The following TTI1 variants were observed in gnomAD, a reference collection of about 807,000 sequenced individuals.
The protein encoded by TTI1 is TELO2 interacting protein 1.
TTI1 carries 52 observed loss-of-function variants against 85.4 expected under a neutral mutation model. The ratio of observed to expected loss-of-function variants is 0.61; its 90% confidence interval spans 0.49 to 0.77. The LOEUF is 0.77. TTI1 is among the 30% of genes least tolerant of loss of function. TTI1 has a pLI of 0.00. For missense variants in TTI1, 1,173 were observed against 1,296.0 expected (o/e 0.91, Z 1.46); for synonymous variants, 512 against 503.9 (o/e 1.02, Z -0.22).
chr20:37,983,779 A>T, intron 7 of TTI1, 140 bp from the exon 8 acceptor site: 1 of 861,490 alleles, frequency 1.2e-6, no homozygotes, highest in Non-Finnish European at 1.6e-6. Context: ...ATAGTAGAAA[A>T]AACCCACTTG....
At chr20:37,998,438 C>T (rs1033972222) in intron 5 of TTI1, among the ~76,000 whole-genome samples, 1 of 151,684 alleles carries the variant, frequency 6.6e-6, no homozygotes, top group Non-Finnish European at 1.5e-5. Flanking sequence ...TTTCTCTCTG[C>T]CTCATCTTGC....
intron 7 of TTI1, among the ~76,000 whole-genome samples, chr20:37,985,295 C>T (rs929321163): frequency 6.6e-6 from 1 of 152,160 alleles, no homozygotes; most frequent in African/African-American, 2.4e-5. Flanking sequence ...TTATTATTGG[C>T]AATTATTCTA....
chr20:38,000,440 C>G (rs1052577917), intron 4 of TTI1: 1 of 155,128 alleles, frequency 6.4e-6, no homozygotes, highest in Admixed American at 6.5e-5. Context: ...TCACAGGCAG[C>G]GGTCAGTACG....
chr20:37,987,099 T>G (rs1016561813), intron 7 of TTI1: 3 of 451,232 alleles, frequency 6.6e-6, no homozygotes, highest in Non-Finnish European at 1.3e-5. Context: ...ACACGACAAA[T>G]TCCAAACCGC....
intron 1 of TTI1, among the ~76,000 whole-genome samples, chr20:38,015,788 A>G (rs2073673928): frequency 6.6e-6 from 1 of 152,248 alleles, no homozygotes; most frequent in Admixed American, 6.5e-5. Flanking sequence ...TTAGTGGCCT[A>G]GTAGATCAAG....
chr20:38,029,631 T>C (rs766670460), intron 1 of TTI1, among the ~76,000 whole-genome samples: 20 of 151,964 alleles, frequency 1.3e-4, no homozygotes, highest in Non-Finnish European at 2.2e-4. Context: ...AAATTTCCAA[T>C]ATCAGTAATG....
intron 1 of TTI1, among the ~76,000 whole-genome samples, chr20:38,032,145 T>G (rs765332179): frequency 6.6e-6 from 1 of 152,222 alleles, no homozygotes; most frequent in Non-Finnish European, 1.5e-5. Flanking sequence ...AATGTGATCT[T>G]GGGTAGGTCA....
chr20:38,019,745 C>T (rs545134882), intron 1 of TTI1, among the ~76,000 whole-genome samples: 1 of 152,344 alleles, frequency 6.6e-6, no homozygotes, highest in Admixed American at 6.5e-5. Context: ...TCAACAGCAG[C>T]ACTATTGACA....
chr20:38,025,114 C>A (rs2073819545), intron 1 of TTI1, among the ~76,000 whole-genome samples: 1 of 152,134 alleles, frequency 6.6e-6, no homozygotes. Context: ...CCTTCTCCTA[C>A]CAGGAATGGT....
In TTI1 at chr20:37,999,272, CAGCTGG is replaced by C; in HGVS notation, c.2703_2708del (p.Asn901_Leu903delinsLys). The C allele has an allele frequency of 6.6e-7, 1 of 1,526,560 alleles. No homozygotes were observed. Among genetic ancestry groups the C allele is most frequent in the Non-Finnish European group, 8.8e-7 (1 of 1,134,504 alleles). The allele number at this position is 1,526,560 out of a possible 1,614,324, so 94.6% of individuals were successfully genotyped here. On this transcript the variant is annotated inframe_deletion, in exon 5 of 8. Coordinates refer to ENST00000373447, the MANE Select transcript of TTI1 (RefSeq NM_001303457.2). ...GCCAGGCCTGATGAGCCAAGGGAAG[CAGCTGG>C]TTTTTGTGGGACTGAAGAACAACCA... is the stretch of plus-strand genomic sequence containing the variant.
intron 4 of TTI1, among the ~76,000 whole-genome samples, chr20:38,001,901 A>T (rs1267461916): frequency 1.3e-5 from 2 of 152,156 alleles, no homozygotes; most frequent in Non-Finnish European, 2.9e-5. Context: ...TGTTTTTAGT[A>T]GAGATGGGGT....
intron 7 of TTI1, among the ~76,000 whole-genome samples, chr20:37,989,674 C>T (rs1230551206): frequency 6.6e-6 from 1 of 152,226 alleles, no homozygotes; most frequent in Admixed American, 6.5e-5. Flanking sequence ...ACCTTTCCCC[C>T]AGCTGGCTGC....
intron 7 of TTI1, among the ~76,000 whole-genome samples, chr20:37,994,527 T>C (rs553883971): frequency 1.5e-5 from 2 of 133,574 alleles, no homozygotes; most frequent in African/African-American, 2.8e-5. Context: ...AGGTTTCCTA[T>C]TGTCTCAGGC....
intron 2 of TTI1, among the ~76,000 whole-genome samples, chr20:38,008,768 T>C (rs2073537707): frequency 6.6e-6 from 1 of 152,196 alleles, no homozygotes; most frequent in Non-Finnish European, 1.5e-5. Context: ...CAAACAGAAA[T>C]GACAGCAAAA....
chr20:38,008,455 A>G (rs1412789699), intron 2 of TTI1, among the ~76,000 whole-genome samples: 1 of 152,242 alleles, frequency 6.6e-6, no homozygotes, highest in Non-Finnish European at 1.5e-5. Context: ...AGAATGCAGC[A>G]GCACATTCTC....
chr20:37,987,398 T>A (rs1182188601), intron 7 of TTI1: 3 of 454,882 alleles, frequency 6.6e-6, no homozygotes, highest in South Asian at 4.7e-5. Context: ...CAGGGATGGC[T>A]GTTGAACATA....
In TTI1 at chr20:38,012,902, C is replaced by T; in HGVS notation, c.915G>A (p.Lys305=). 6.2e-7 allele frequency: 1 copy of T among 1,614,186 alleles called. No homozygotes were observed. Among genetic ancestry groups the T allele is most frequent in the Non-Finnish European group, 8.5e-7 (1 of 1,180,038 alleles). Residue 305 remains lysine, a synonymous_variant, in exon 2 of 8, where the codon AAG becomes AAA. Coordinates refer to ENST00000373447, the MANE Select transcript of TTI1 (RefSeq NM_001303457.2). ...CAAGTTCTACCAGTTCCAGTCTCAC[C>T]TTCCAGTGTGGGTGAACAGAAACAC... ...IECVSVHPHW[K]VRLELVELVE... is the part of the protein sequence containing the mutation.
chr20:38,010,208 G>A (rs1319067582), intron 2 of TTI1, among the ~76,000 whole-genome samples: 1 of 152,144 alleles, frequency 6.6e-6, no homozygotes, highest in African/African-American at 2.4e-5. Flanking sequence ...TTAGCTACAG[G>A]GCAGTGCACT....
intron 7 of TTI1, among the ~76,000 whole-genome samples, chr20:37,990,762 CT>C (rs2073252507): frequency 6.6e-6 from 1 of 152,154 alleles, no homozygotes; most frequent in Non-Finnish European, 1.5e-5. Flanking sequence ...GCAGGCGGTG[CT>C]GCGACCAGGC....
Sources: allele counts gnomAD v4.1 joint callset (sites outside exome capture counted in the v4.1 genomes callset), GRCh38; gene constraint gnomAD v4.1.1; transcripts MANE v1.5; gene names NCBI Gene and HGNC (gene_info 2026-07-23, HGNC 2026-07-21).